Variants in CFAP54 observed in about 807,000 individuals in gnomAD.
The protein encoded by CFAP54 is cilia- and flagella-associated protein 54.
A neutral mutation model predicts 370.4 loss-of-function variants in CFAP54; 290 were observed. That is an observed-to-expected ratio of 0.78 (90% CI 0.71 to 0.86). The LOEUF is 0.86. Among genes scored for constraint, CFAP54 ranks in the 40% least tolerant of loss-of-function variants. The probability of loss-of-function intolerance (pLI) is 0.00; values close to 1 mark genes in which losing one functional copy is unlikely to be tolerated. For missense variants in CFAP54, 3,399 were observed against 3,528.7 expected, an observed-to-expected ratio of 0.96 and a Z score of 0.93; for synonymous variants, 1,206 against 1,236.5, an observed-to-expected ratio of 0.98 and a Z score of 0.52.
intron 6 of CFAP54, 49 bp from the exon 7 acceptor site, chr12:96,521,808 A>C: frequency 7.6e-7 from 1 of 1,307,732 alleles, no homozygotes; most frequent in Non-Finnish European, 1.0e-6. Flanking sequence ...TATACATTTT[A>C]ATCACTATAT....
At chr12:96,726,400 T>C (rs1957836961) in intron 50 of CFAP54, among the ~76,000 whole-genome samples, 1 of 152,238 alleles carries the variant, frequency 6.6e-6, no homozygotes, top group Non-Finnish European at 1.5e-5. Context: ...TGGTTTAGTC[T>C]TGGGAGAGAG....
intron 60 of CFAP54, 129 bp downstream of exon 60, chr12:96,765,347 G>A: frequency 1.3e-6 from 1 of 791,804 alleles, no homozygotes; most frequent in Non-Finnish European, 1.8e-6. Context: ...CACTTCCAGG[G>A]GATCATAGGG....
chr12:96,858,471 C>T (rs557951958), intron 66 of CFAP54, among the ~76,000 whole-genome samples: 2 of 152,274 alleles, frequency 1.3e-5, no homozygotes, highest in East Asian at 3.9e-4. Flanking sequence ...GTTTCTTTTG[C>T]TATGCAGAAG....
chr12:96,610,409 TG>T (rs796353591), intron 26 of CFAP54, among the ~76,000 whole-genome samples: 1 of 150,910 alleles, frequency 6.6e-6, no homozygotes, highest in Non-Finnish European at 1.5e-5. Flanking sequence ...CAGGGAGTTA[TG>T]GGGGGGTGGG....
Position 96,720,523 on chromosome 12 carries a change from A to G in CFAP54, c.6923A>G (p.Gln2308Arg). ...ELEIVVEARL[Q>R]LAAVALQRHR... The stretch of plus-strand genomic sequence containing the variant: ...GAGATTGTGGTGGAGGCCCGGCTTC[A>G]GCTGGCTGCAGTTGCTCTGCAGAGG... The change falls in exon 50 of 68, where the codon CAG becomes CGG. Residue 2308 changes from glutamine (Q) to arginine (R), a missense_variant. Gln to Arg is a conservative substitution (Grantham distance 43, BLOSUM62 1). This residue lies in a region of CFAP54 where 2,796 missense variants were observed against 2,869.7 expected (regional missense o/e 0.97). Transcript: ENST00000524981. 1 of 1,587,574 alleles carries G rather than the reference A, an allele frequency of 6.3e-7. No homozygotes were observed. The highest frequency in any genetic ancestry group is 8.6e-7 in the Non-Finnish European group (1 of 1,164,154).
At chr12:96,623,257 G>A (rs548369731) in intron 27 of CFAP54, among the ~76,000 whole-genome samples, 1 of 152,160 alleles carries the variant, frequency 6.6e-6, no homozygotes, top group African/African-American at 2.4e-5. Flanking sequence ...AAACATGGTA[G>A]TGAGCCTGAG....
chr12:96,775,927 T>A (rs554922782), intron 60 of CFAP54, among the ~76,000 whole-genome samples: 1 of 152,334 alleles, frequency 6.6e-6, no homozygotes, highest in South Asian at 2.1e-4. Flanking sequence ...TGCTTTTACA[T>A]AGGGCATAGA....
intron 1 of CFAP54, among the ~76,000 whole-genome samples, chr12:96,493,165 C>A (rs12322728): frequency 0.12 from 18,418 of 152,208 alleles, 1,205 homozygotes; most frequent in Middle Eastern, 0.18. Flanking sequence ...CAACCTCTCA[C>A]ACAATTTTGG....
At chr12:96,729,295 G>A (rs552638901) in intron 50 of CFAP54, among the ~76,000 whole-genome samples, 1 of 152,318 alleles carries the variant, frequency 6.6e-6, no homozygotes, top group South Asian at 2.1e-4. Context: ...GCAGCCTACA[G>A]AGGCCGGCAG....
intron 29 of CFAP54, among the ~76,000 whole-genome samples, chr12:96,626,058 A>G (rs1337494178): frequency 1.3e-5 from 2 of 152,166 alleles, no homozygotes; most frequent in Admixed American, 1.3e-4. Flanking sequence ...GAATGGTGTT[A>G]TTATGAAGCT....
chr12:96,551,485 ATGTGTGTGTG>A (rs10582056), intron 15 of CFAP54, among the ~76,000 whole-genome samples: 8 of 143,772 alleles, frequency 5.6e-5, no homozygotes, highest in South Asian at 4.5e-4. Flanking sequence ...TTGAATGGGT[ATGTGTGTGTG>A]TGTGTGTGTG....
In CFAP54 at chr12:96,708,733, T is replaced by C; in HGVS notation, c.6654T>C (p.Asn2218=). The C allele has an allele frequency of 6.2e-7, 1 of 1,612,318 alleles. No individual in the cohort carries two copies. The highest frequency in any genetic ancestry group is 8.5e-7 in the Non-Finnish European group (1 of 1,179,454). Residue 2218 remains asparagine, a synonymous_variant, in exon 48 of 68, where the codon AAT becomes AAC. Coordinates refer to ENST00000524981, the MANE Select transcript of CFAP54 (RefSeq NM_001306084.2). The part of the protein sequence containing the change: ...YFFLSVAATI[N]CVPENKFKTV... ...TCCTAAGTGTGGCTGCGACAATAAA[T>C]TGTGTCCCAGAAAATAAATTTAAGA...
chr12:96,843,098 A>G lies in CFAP54; in HGVS notation c.9171+14010A>G, dbSNP rs1269840564. ...GTGGGAGCTGCTAACAAAGCCTGTC[A>G]TGCTTTGATTCTAGGCAACGAAGTC... is the stretch of plus-strand genomic sequence containing the variant. On this transcript the variant is annotated intron_variant, in intron 66 of 67. Transcript: ENST00000524981. 2.0e-5 allele frequency among the ~76,000 whole-genome samples: 3 copies of G among 152,336 alleles called. No homozygotes were observed. In the East Asian group the frequency reaches 5.8e-4, roughly 29 times the overall value.
chr12:96,705,207 A>AT (rs1294769433), intron 47 of CFAP54, among the ~76,000 whole-genome samples: 4 of 151,932 alleles, frequency 2.6e-5, no homozygotes. Flanking sequence ...CATGGTTTTT[A>AT]TTTTTTTAAG....
At chr12:96,699,185 C>G (rs1358336902) in intron 45 of CFAP54, among the ~76,000 whole-genome samples, 3 of 152,192 alleles carry the variant, frequency 2.0e-5, no homozygotes, top group African/African-American at 7.2e-5. Context: ...CAAACGAAGA[C>G]TCGCCTGCAA....
intron 15 of CFAP54, among the ~76,000 whole-genome samples, chr12:96,549,260 G>GA (rs1955670781): frequency 6.6e-6 from 1 of 152,038 alleles, no homozygotes; most frequent in African/African-American, 2.4e-5. Context: ...CTACCTATAG[G>GA]TACAAAGTGC....
chr12:96,657,022 A>G (rs1344236032), intron 36 of CFAP54, among the ~76,000 whole-genome samples: 1 of 152,194 alleles, frequency 6.6e-6, no homozygotes, highest in Non-Finnish European at 1.5e-5. Flanking sequence ...GTCTCTTCTA[A>G]CTTCAAGGAC....
chr12:96,625,635 G>T, intron 28 of CFAP54, 83 bp from the exon 29 acceptor site: 1 of 757,928 alleles, frequency 1.3e-6, no homozygotes, highest in Non-Finnish European at 2.0e-6. Context: ...CTCTTTTAAA[G>T]AATTGTTATT....
At position 96,527,288 on chromosome 12, in the gene CFAP54, A is replaced by C. The variant is rs1344140412; in HGVS notation, c.1201A>C (p.Met401Leu). ...TGTCACAGAGCGGCTACTGGATGAGATGTTTGATAGCACTGCATCCCAGTT... is the reference window on the plus strand; with the variant it reads ...TGTCACAGAGCGGCTACTGGATGAGCTGTTTGATAGCACTGCATCCCAGTT... ...RTVTERLLDE[M>L]FDSTASQFLA... is the part of the protein sequence containing the mutation. The change falls in exon 9 of 68, where the codon ATG (methionine) becomes CTG (leucine). Residue 401 changes from methionine (M) to leucine (L), a missense_variant. Met to Leu is a conservative substitution (Grantham distance 15, BLOSUM62 2). Transcript: ENST00000524981. 17 of 1,532,804 alleles carry C rather than the reference A, an allele frequency of 1.1e-5. No individual in the cohort carries two copies. Among genetic ancestry groups the C allele is most frequent in the Non-Finnish European group, 1.5e-5 (17 of 1,145,692 alleles). The allele number at this position is 1,532,804 out of a possible 1,614,324, so 95.0% of individuals were successfully genotyped here.
Sources: allele counts gnomAD v4.1 joint callset (sites outside exome capture counted in the v4.1 genomes callset), GRCh38; gene constraint gnomAD v4.1.1; regional missense constraint gnomAD v4.1.1; transcripts MANE v1.5; gene names NCBI Gene and HGNC (gene_info 2026-07-23, HGNC 2026-07-21).